DIO2: variants seen among roughly 807,000 people sequenced by gnomAD.
DIO2 encodes the protein type II iodothyronine deiodinase.
A neutral mutation model predicts 21.4 loss-of-function variants in DIO2; 19 were observed. The ratio of observed to expected loss-of-function variants is 0.89; its 90% CI spans 0.62 to 1.30. The LOEUF (loss-of-function observed/expected upper bound fraction) is 1.30, where lower values mean the gene tolerates loss of function less well. Among genes scored for constraint, DIO2 ranks in the 50% most tolerant of loss-of-function variants. The pLI, the probability that DIO2 is intolerant of heterozygous loss-of-function variation, is 0.00. For missense variants in DIO2, 302 were observed against 338.1 expected (o/e 0.89, Z 0.84); for synonymous variants, 122 against 132.9 (o/e 0.92, Z 0.57).
At chr14:80,220,431 G>A (rs1888443595) in intron 2 of DIO2, among the ~76,000 whole-genome samples, 1 of 152,128 alleles carries the variant, frequency 6.6e-6, no homozygotes, top group African/African-American at 2.4e-5. Context: ...TACATTAGTG[G>A]TGAAGATAGC....
Position 80,203,206 on chromosome 14 carries a change from G to C in DIO2, c.305C>G (p.Thr102Ser). The change falls in exon 2 of 2, where the codon ACC (threonine) becomes AGC (serine). Residue 102 changes from threonine (T) to serine (S), a missense_variant. Transcript: ENST00000438257. ...GGCTCCCTCAGCTATCTTCTCCTGG[G>C]TACCATTGCCACTGTTGTCACCTCC... Reference protein sequence around the residue: ...TEGGDNSGNGTQEKIAEGATC... With the variant: ...TEGGDNSGNGSQEKIAEGATC... 6.2e-7 allele frequency: 1 copy of C among 1,609,140 alleles called. No homozygotes were observed. The highest frequency in any genetic ancestry group is 8.5e-7 in the Non-Finnish European group (1 of 1,177,816).
upstream of DIO2, chr14:80,211,507 T>C: frequency 7.7e-7 from 1 of 1,302,188 alleles, no homozygotes; most frequent in Non-Finnish European, 1.0e-6. Context: ...CCTTGTGCGC[T>C]CTGGTTCCCC....
At chr14:80,210,172 G>T (rs2140007176) in intron 1 of DIO2, among the ~76,000 whole-genome samples, 1 of 152,164 alleles carries the variant, frequency 6.6e-6, no homozygotes, top group East Asian at 1.9e-4. Flanking sequence ...AACTACTTTT[G>T]CCAAAATAGT....
rs1330194221 is a variant in DIO2 at position 80,198,282 on chromosome 14, A to G, written c.*4407T>C. 1 of 152,562 alleles carries G rather than the reference A, an allele frequency of 6.6e-6. No homozygotes were observed. Among genetic ancestry groups the G allele is most frequent in the East Asian group, 1.9e-4 (1 of 5,188 alleles). The allele number at this position is 152,562 out of a possible 1,614,324, so 9.5% of individuals were successfully genotyped here. ...TGCCTAAGACGGGTAGCCAGCCCCGACTTGCATGAGCAGTCTTGTTTGGAT... is the reference window on the plus strand; with the variant it reads ...TGCCTAAGACGGGTAGCCAGCCCCGGCTTGCATGAGCAGTCTTGTTTGGAT... On this transcript the variant is annotated 3_prime_UTR_variant, in exon 2 of 2. Coordinates refer to ENST00000438257, the MANE Select transcript of DIO2 (RefSeq NM_013989.5).
intron 1 of DIO2, among the ~76,000 whole-genome samples, chr14:80,209,734 G>A (rs1455127724): frequency 6.6e-6 from 1 of 152,108 alleles, no homozygotes; most frequent in Non-Finnish European, 1.5e-5. Context: ...CTACTAATAA[G>A]AGCTCTTACT....
chr14:80,219,637 G>A (rs1011491095), intron 2 of DIO2: 2 of 152,054 alleles, frequency 1.3e-5, no homozygotes, highest in African/African-American at 4.8e-5. Flanking sequence ...AGACCAGTAG[G>A]AGGAGACAGA....
chr14:80,215,658 C>CA (rs1888333703), upstream of DIO2, among the ~76,000 whole-genome samples: 1 of 152,146 alleles, frequency 6.6e-6, no homozygotes, highest in Non-Finnish European at 1.5e-5. Flanking sequence ...GTCAAATAAA[C>CA]ACATTATAAA....
upstream of DIO2, among the ~76,000 whole-genome samples, chr14:80,215,164 C>T (rs1388645774): frequency 6.6e-6 from 1 of 152,154 alleles, no homozygotes; most frequent in Non-Finnish European, 1.5e-5. Flanking sequence ...AGGGGCATGT[C>T]GGTTGCATTT....
At chr14:80,229,926 C>T (rs1888651690) in intron 2 of DIO2, among the ~76,000 whole-genome samples, 1 of 152,134 alleles carries the variant, frequency 6.6e-6, no homozygotes, top group South Asian at 2.1e-4. Context: ...TCATGAGTCA[C>T]ACTCTCAACC....
chr14:80,209,962 T>G (rs1466031422), intron 1 of DIO2, among the ~76,000 whole-genome samples: 1 of 152,206 alleles, frequency 6.6e-6, no homozygotes, highest in South Asian at 2.1e-4. Flanking sequence ...TGTTTATTTA[T>G]GGAGGATGCA....
chr14:80,221,820 G>A (rs1000119649), intron 2 of DIO2, among the ~76,000 whole-genome samples: 6 of 152,198 alleles, frequency 3.9e-5, no homozygotes, highest in Non-Finnish European at 7.4e-5. Flanking sequence ...CTCATAATAG[G>A]TCTGTGCACC....
intron 2 of DIO2, among the ~76,000 whole-genome samples, chr14:80,222,243 T>A (rs1888479047): frequency 6.6e-6 from 1 of 152,160 alleles, no homozygotes; most frequent in Admixed American, 6.5e-5. Flanking sequence ...CTACAATACA[T>A]AAAAATGCCA....
At position 80,202,863 on chromosome 14, in the gene DIO2, G is replaced by A. The variant is rs762767888; in HGVS notation, c.648C>T (p.Asp216=). 6.2e-7 allele frequency: 1 copy of A among 1,613,932 alleles called. No individual in the cohort carries two copies. The highest frequency in any genetic ancestry group is 2.2e-5 in the East Asian group (1 of 44,868). The change falls in exon 2 of 2, where the codon GAC becomes GAT. Residue 216 remains aspartate (D), a synonymous_variant. Coordinates refer to ENST00000438257, the MANE Select transcript of DIO2 (RefSeq NM_013989.5). ...PQCRVVADRM[D]NNANIAYGVA... ...CCCCGTAAGCTATGTTGGCGTTATTGTCCATGCGGTCAGCCACAACTCGGC... is the reference window on the plus strand; with the variant it reads ...CCCCGTAAGCTATGTTGGCGTTATTATCCATGCGGTCAGCCACAACTCGGC...
At chr14:80,216,105 T>C (rs1379787654), upstream of DIO2, 1 of 152,276 alleles carries the variant, frequency 6.6e-6, no homozygotes, top group Non-Finnish European at 1.5e-5. Flanking sequence ...GTTAATGCAT[T>C]CTTCCCTCAG....
upstream of DIO2, among the ~76,000 whole-genome samples, chr14:80,214,858 C>G (rs975243748): frequency 6.6e-6 from 1 of 152,142 alleles, no homozygotes; most frequent in Non-Finnish European, 1.5e-5. Context: ...ATTAGGGAGT[C>G]CAAGCGGGTG....
At chr14:80,225,514 C>A (rs1236927084) in intron 2 of DIO2, among the ~76,000 whole-genome samples, 3 of 152,186 alleles carry the variant, frequency 2.0e-5, no homozygotes, top group Middle Eastern at 3.2e-3. Flanking sequence ...TATACACGCA[C>A]AAACGTTTTT....
At position 80,202,683 on chromosome 14, in the gene DIO2, A is replaced by T; in HGVS notation, c.*6T>A. 4 of 1,604,068 alleles carry T rather than the reference A, an allele frequency of 2.5e-6. No individual in the cohort carries two copies. The highest frequency in any genetic ancestry group is 2.6e-6 in the Non-Finnish European group (3 of 1,174,694). Reference sequence around the variant, plus strand: ...TAAAACAATAAGCTCTCTTATAATCATACCTTTAACCAGCTAATCTAGTTT... The same window carrying T: ...TAAAACAATAAGCTCTCTTATAATCTTACCTTTAACCAGCTAATCTAGTTT... On this transcript the variant is annotated 3_prime_UTR_variant, in exon 2 of 2. Coordinates refer to ENST00000438257, the MANE Select transcript of DIO2 (RefSeq NM_013989.5).
rs753199797 is a variant in DIO2, at chr14:80,203,021, C to A, written c.490G>T (p.Ala164Ser). 1 of 1,613,892 alleles carries A rather than the reference C, an allele frequency of 6.2e-7. No individual in the cohort carries two copies. The highest frequency in any genetic ancestry group is 1.1e-5 in the South Asian group (1 of 91,072). Residue 164 changes from alanine to serine, a missense_variant, in exon 2 of 2, where the codon GCT becomes TCT. Transcript: ENST00000438257. ...ADFLLVYIDE[A>S]HPSDGWAIPG... is the part of the protein sequence containing the mutation. Reference sequence around the variant, plus strand: ...ATCGCCCAGCCATCTGATGGATGAGCCTCATCAATGTAGACCAGCAGGAAG... The same window carrying A: ...ATCGCCCAGCCATCTGATGGATGAGACTCATCAATGTAGACCAGCAGGAAG...
intron 2 of DIO2, among the ~76,000 whole-genome samples, chr14:80,224,057 T>C (rs902400190): frequency 3.0e-4 from 46 of 152,312 alleles, no homozygotes; most frequent in African/African-American, 9.9e-4. Context: ...CTGACTCTCA[T>C]TGAGAACTTA....
Sources: gnomAD v4.1 joint callset for allele counts (sites outside exome capture counted in the v4.1 genomes callset) on GRCh38, gnomAD v4.1.1 for gene constraint, MANE v1.5 for transcripts, NCBI Gene and HGNC (gene_info 2026-07-23, HGNC 2026-07-21) for gene names.